The following CBLB variants were observed in gnomAD, a reference collection of about 807,000 sequenced individuals.
CBLB encodes the protein E3 ubiquitin-protein ligase CBL-B.
Under a neutral mutation model 104.9 loss-of-function variants are expected in CBLB, and 31 were observed. The observed-to-expected ratio is 0.30, with a 90% CI of 0.22 to 0.40. CBLB has a LOEUF of 0.40. Among genes scored for constraint, CBLB ranks in the 10% least tolerant of loss-of-function variants. The pLI is 1.00. For missense variants in CBLB, 1,062 were observed against 1,214.6 expected (o/e 0.87, Z 1.87); for synonymous variants, 440 against 422.6 (o/e 1.04, Z -0.51).
At chr3:105,764,763 A>T (rs1428417917) in intron 4 of CBLB, among the ~76,000 whole-genome samples, 1 of 152,214 alleles carries the variant, frequency 6.6e-6, no homozygotes, top group Non-Finnish European at 1.5e-5. Context: ...GCAAGTTGTG[A>T]ATGGAAAGGA....
chr3:105,760,308 C>T (rs1429628471), intron 4 of CBLB, among the ~76,000 whole-genome samples: 1 of 151,956 alleles, frequency 6.6e-6, no homozygotes, highest in Non-Finnish European at 1.5e-5. Context: ...GTAAAAATTC[C>T]ATTAAAAATT....
At chr3:105,802,436 G>T (rs1330549712) in intron 3 of CBLB, among the ~76,000 whole-genome samples, 1 of 152,174 alleles carries the variant, frequency 6.6e-6, no homozygotes, top group African/African-American at 2.4e-5. Flanking sequence ...TTAGGAACCA[G>T]TATTCTCCAG....
Position 105,776,538 on chromosome 3 carries a change from T to A in CBLB, c.424A>T (p.Asn142Tyr). 1 of 1,613,744 alleles carries A rather than the reference T, an allele frequency of 6.2e-7. No individual in the cohort carries two copies. Among genetic ancestry groups the A allele is most frequent in the Admixed American group, 1.7e-5 (1 of 60,008 alleles). Reference protein sequence around the residue: ...MYEEQSQDRRNLTKLSLIFSH... With the variant: ...MYEEQSQDRRYLTKLSLIFSH... Reference sequence around the variant, plus strand: ...AAGATAAGGGACAGTTTTGTGAGATTTCGTCTGTAGGCACAAGGGAAAAAA... The same window carrying A: ...AAGATAAGGGACAGTTTTGTGAGATATCGTCTGTAGGCACAAGGGAAAAAA... Residue 142 changes from asparagine (N) to tyrosine (Y), a missense_variant, in exon 4 of 19, where the codon AAT becomes TAT. Physicochemically the swap from Asn to Tyr is moderately radical, Grantham distance 143. Transcript: ENST00000394030.
At chr3:105,772,411 T>C (rs1404885080) in intron 4 of CBLB, among the ~76,000 whole-genome samples, 1 of 152,184 alleles carries the variant, frequency 6.6e-6, no homozygotes, top group Non-Finnish European at 1.5e-5. Flanking sequence ...CCTGAAACCA[T>C]GAAAATCCTA....
intron 2 of CBLB, among the ~76,000 whole-genome samples, chr3:105,864,805 C>T (rs1183335869): frequency 6.6e-6 from 1 of 152,156 alleles, no homozygotes; most frequent in Non-Finnish European, 1.5e-5. Flanking sequence ...AAACTACATA[C>T]TCACTAGATA....
chr3:105,740,706 T>G lies in CBLB; in HGVS notation c.846-75A>C, dbSNP rs1425449728. On this transcript the variant is annotated intron_variant, in intron 6 of 18. Transcript: ENST00000394030. ...ATACTAAACAATTTGTTAGGTTTCT[T>G]CCAAGCAAAAGAATAAACAATCATT... 3.8e-6 allele frequency: 5 copies of G among 1,305,174 alleles called. No individual in the cohort carries two copies. In the Admixed American group the frequency reaches 7.1e-5, roughly 19 times the overall value. The allele number at this position is 1,305,174 out of a possible 1,614,324, so 80.8% of individuals were successfully genotyped here. A position where few individuals can be genotyped will look rare whatever the true frequency, so the allele number is the denominator to read the frequency against.
intron 3 of CBLB, among the ~76,000 whole-genome samples, chr3:105,815,522 G>T (rs939442700): frequency 1.3e-5 from 2 of 152,254 alleles, no homozygotes; most frequent in African/African-American, 4.8e-5. Flanking sequence ...AGTTAGAATG[G>T]TGATCACTAA....
intron 17 of CBLB, among the ~76,000 whole-genome samples, chr3:105,674,590 T>C (rs2065402776): frequency 6.6e-6 from 1 of 152,212 alleles, no homozygotes; most frequent in Non-Finnish European, 1.5e-5. Context: ...AGGACTTAAA[T>C]ACAGTCTTTG....
intron 3 of CBLB, among the ~76,000 whole-genome samples, chr3:105,834,837 T>C (rs1285824680): frequency 6.6e-6 from 1 of 152,184 alleles, no homozygotes; most frequent in East Asian, 1.9e-4. Context: ...GCTTTTACCT[T>C]GCTGTATCAC....
chr3:105,682,657 C>T (rs1332045501), intron 14 of CBLB, among the ~76,000 whole-genome samples: 6 of 152,124 alleles, frequency 3.9e-5, no homozygotes, highest in Admixed American at 2.0e-4. Context: ...CAAGCGTGCA[C>T]CACCACGCCC....
chr3:105,815,629 G>C (rs956767997), intron 3 of CBLB, among the ~76,000 whole-genome samples: 1 of 152,214 alleles, frequency 6.6e-6, no homozygotes, highest in Non-Finnish European at 1.5e-5. Flanking sequence ...CATTGTGGAA[G>C]ACAGTGTGGC....
At position 105,751,501 on chromosome 3, in the gene CBLB, A is replaced by G; in HGVS notation, c.684T>C (p.Ile228=). The G allele has an allele frequency of 1.2e-6, 2 of 1,611,836 alleles. No individual in the cohort carries two copies. Among genetic ancestry groups the G allele is most frequent in the Non-Finnish European group, 1.7e-6 (2 of 1,178,036 alleles). Residue 228 remains isoleucine, a synonymous_variant, in exon 5 of 19, where the codon ATT becomes ATC. Transcript: ENST00000394030. ...STIDLTCNDY[I]SVFEFDIFTR... is the part of the protein sequence containing the mutation. ...TAAAAATATCAAATTCAAAAACTGA[A>G]ATGTAATCATTGCAAGTTAAATCAA...
chr3:105,845,177 T>C (rs2090072853), intron 3 of CBLB, among the ~76,000 whole-genome samples: 1 of 152,104 alleles, frequency 6.6e-6, no homozygotes, highest in Non-Finnish European at 1.5e-5. Context: ...TTAATATATA[T>C]AATAATTGGT....
At chr3:105,786,451 C>T (rs190643938) in intron 3 of CBLB, among the ~76,000 whole-genome samples, 12 of 152,256 alleles carry the variant, frequency 7.9e-5, no homozygotes, top group Admixed American at 4.6e-4. Context: ...CACGCTGCTT[C>T]GGCTTTCAAA....
intron 3 of CBLB, among the ~76,000 whole-genome samples, chr3:105,805,583 G>C (rs866368572): frequency 6.6e-6 from 1 of 152,136 alleles, no homozygotes; most frequent in African/African-American, 2.4e-5. Context: ...TGGGATTACA[G>C]GCATGAGCCA....
intron 3 of CBLB, among the ~76,000 whole-genome samples, chr3:105,813,813 A>C (rs1445417280): frequency 4.6e-5 from 7 of 152,140 alleles, no homozygotes; most frequent in Non-Finnish European, 1.0e-4. Flanking sequence ...CAAGTGTGGT[A>C]TTCCTCAACT....
intron 3 of CBLB, among the ~76,000 whole-genome samples, chr3:105,785,781 C>A (rs1161334606): frequency 1.3e-5 from 2 of 152,114 alleles, no homozygotes; most frequent in African/African-American, 4.8e-5. Context: ...ACCTCTTCCC[C>A]AGGATTAAAA....
chr3:105,738,906 G>T (rs1166514543), intron 7 of CBLB, among the ~76,000 whole-genome samples: 1 of 152,052 alleles, frequency 6.6e-6, no homozygotes, highest in Non-Finnish European at 1.5e-5. Flanking sequence ...TTTTGTGTGT[G>T]TTGGTATTAT....
At chr3:105,802,857 T>C (rs1258089810) in intron 3 of CBLB, among the ~76,000 whole-genome samples, 1 of 152,194 alleles carries the variant, frequency 6.6e-6, no homozygotes, top group Non-Finnish European at 1.5e-5. Context: ...GATTAACATA[T>C]GAATTAAATA....
Sources: gnomAD v4.1 joint callset for allele counts (sites outside exome capture counted in the v4.1 genomes callset) on GRCh38, gnomAD v4.1.1 for gene constraint, MANE v1.5 for transcripts, NCBI Gene and HGNC (gene_info 2026-07-23, HGNC 2026-07-21) for gene names.